Variants in ABCA1 observed in about 807,000 individuals in gnomAD.
The protein encoded by ABCA1 is ATP binding cassette subfamily A member 1.
In ABCA1, 133 loss-of-function variants were observed where a neutral mutation model predicts 262.5. The observed-to-expected ratio is 0.51, with a 90% CI of 0.44 to 0.59. ABCA1 has a LOEUF of 0.59. ABCA1 is among the 20% of genes least tolerant of loss of function. The probability of loss-of-function intolerance (pLI) is 0.00; values close to 1 mark genes in which losing one functional copy is unlikely to be tolerated. For synonymous variants in ABCA1, 1,022 were observed against 1,043.5 expected (o/e 0.98, Z 0.40); for missense variants, 2,452 against 2,777.5 (o/e 0.88, Z 2.63).
At position 104,825,904 on chromosome 9, in the gene ABCA1, A is replaced by G. The variant is rs182899836; in HGVS notation, c.2338-17T>C. The G allele has an allele frequency of 3.2e-3, 5,215 of 1,612,980 alleles. 35 individuals are homozygous for G. The highest frequency in any genetic ancestry group is 0.015 in the South Asian group (1,353 of 91,022). ...CAGCAGGCTCTGTGAGAAACAGGCA[A>G]AGTCACCTATCCATTTCCTGGTCAG... On this transcript the variant is annotated splice_polypyrimidine_tract_variant and intron_variant, in intron 16 of 49. Transcript: ENST00000374736.
chr9:104,819,442 T>C, intron 22 of ABCA1, 144 bp downstream of exon 22: 1 of 1,175,550 alleles, frequency 8.5e-7, no homozygotes, highest in South Asian at 1.3e-5. Flanking sequence ...GGAATCTCAG[T>C]CTCAATGCCC....
intron 44 of ABCA1, 101 bp from the exon 45 acceptor site, chr9:104,788,668 A>C: frequency 1.4e-6 from 2 of 1,384,946 alleles, no homozygotes; most frequent in Non-Finnish European, 2.0e-6. Context: ...CTCCATTACA[A>C]AGATACCAAT....
intron 5 of ABCA1, among the ~76,000 whole-genome samples, chr9:104,865,002 G>A (rs554347405): frequency 1.3e-5 from 2 of 152,194 alleles, no homozygotes; most frequent in African/African-American, 2.4e-5. Flanking sequence ...TGGTAGGTTC[G>A]CTGGGTTGGG....
intron 2 of ABCA1, among the ~76,000 whole-genome samples, chr9:104,898,744 GTC>G (rs1840427330): frequency 6.6e-6 from 1 of 151,980 alleles, no homozygotes; most frequent in African/African-American, 2.4e-5. Flanking sequence ...GGCACCCCCA[GTC>G]TCTCTGCCTG....
chr9:104,803,609 C>CTT (rs111718731), intron 32 of ABCA1, among the ~76,000 whole-genome samples: 8 of 149,848 alleles, frequency 5.3e-5, no homozygotes, highest in African/African-American at 2.0e-4. Context: ...CTTTTTCTTT[C>CTT]TTTTTTTTTT....
At chr9:104,858,765 G>T (rs1836072184) in intron 6 of ABCA1, 67 bp from the exon 7 acceptor site, 5 of 1,545,618 alleles carry the variant, frequency 3.2e-6, no homozygotes, top group South Asian at 1.1e-5. Context: ...CTGGGTCCTT[G>T]AAGTCTTTTG....
Position 104,783,062 on chromosome 9 carries a change from C to G in ABCA1, c.*1253G>C, listed in dbSNP as rs561383240. 1.4e-4 allele frequency: 22 copies of G among 152,636 alleles called. No homozygotes were observed. The highest frequency in any genetic ancestry group is 1.2e-3 in the Admixed American group (19 of 15,284). The allele number at this position is 152,636 out of a possible 1,614,324, so 9.5% of individuals were successfully genotyped here. A position where few individuals can be genotyped will look rare whatever the true frequency, so the allele number is the denominator to read the frequency against. On this transcript the variant is annotated 3_prime_UTR_variant, in exon 50 of 50. Coordinates refer to ENST00000374736, the MANE Select transcript of ABCA1 (RefSeq NM_005502.4). The stretch of plus-strand genomic sequence containing the variant: ...TTGATGAAGTGAGATTAAGAGTATC[C>G]TAAATGATCTGAAAGAAACTCAAAT...
chr9:104,859,696 A>G (rs2482421), intron 6 of ABCA1, among the ~76,000 whole-genome samples: 58,456 of 152,034 alleles, frequency 0.38, 13,075 homozygotes, highest in African/African-American at 0.63. Flanking sequence ...AGTTCTACTC[A>G]TTTCTTTAAC....
At position 104,901,480 on chromosome 9, in the gene ABCA1, C is replaced by T. The variant is rs73506105; in HGVS notation, c.66+2134G>A. Among the ~76,000 whole-genome samples the T allele has an allele frequency of 2.6e-3, 394 of 152,216 alleles. 2 individuals are homozygous for T. Among genetic ancestry groups the T allele is most frequent in the African/African-American group, 9.0e-3 (373 of 41,530 alleles). ...GACACACAACATGGATAAACCATGG[C>T]GGAGACAATTTCCCAGCAAGTGGGC... On this transcript the variant is annotated intron_variant, in intron 2 of 49. Coordinates refer to ENST00000374736, the MANE Select transcript of ABCA1 (RefSeq NM_005502.4).
In ABCA1 at chr9:104,814,210, C is replaced by T. The variant is rs778651217; in HGVS notation, c.3809G>A (p.Arg1270Gln). The change falls in exon 27 of 50, where the codon CGA (arginine) becomes CAA (glutamine). Residue 1270 changes from arginine to glutamine, a missense_variant. Arg to Gln is a conservative substitution (Grantham distance 43). Around this residue, in one of 4 missense-constraint regions of ABCA1, gnomAD observed 665 missense variants for 727.3 expected, o/e 0.91. Coordinates refer to ENST00000374736, the MANE Select transcript of ABCA1 (RefSeq NM_005502.4). ...CTTGTCCCCGAAGGCCCGCCTGTTTCGTCTTGCTGGCAAGGTACCATCTGA... is the reference window on the plus strand; with the variant it reads ...CTTGTCCCCGAAGGCCCGCCTGTTTTGTCTTGCTGGCAAGGTACCATCTGA... ...ETSDGTLPAR[R>Q]NRRAFGDKQS... 18 of 1,614,114 alleles carry T rather than the reference C, an allele frequency of 1.1e-5. No homozygotes were observed. The highest frequency in any genetic ancestry group is 7.7e-5 in the South Asian group (7 of 91,090).
At chr9:104,885,426 T>C (rs764143854) in intron 3 of ABCA1, among the ~76,000 whole-genome samples, 1 of 152,004 alleles carries the variant, frequency 6.6e-6, no homozygotes, top group African/African-American at 2.4e-5. Flanking sequence ...TGCCAAACAT[T>C]TGTCAGTTTC....
At chr9:104,863,390 C>A (rs1173191595) in intron 5 of ABCA1, among the ~76,000 whole-genome samples, 1 of 152,174 alleles carries the variant, frequency 6.6e-6, no homozygotes, top group African/African-American at 2.4e-5. Flanking sequence ...TGAACTGAGC[C>A]CACATGGCCA....
chr9:104,875,917 T>C (rs1838125471), intron 5 of ABCA1, among the ~76,000 whole-genome samples: 1 of 152,238 alleles, frequency 6.6e-6, no homozygotes, highest in Non-Finnish European at 1.5e-5. Flanking sequence ...CTACCCGTTC[T>C]AGGCATATTC....
At chr9:104,883,590 C>A (rs1838882826) in intron 4 of ABCA1, among the ~76,000 whole-genome samples, 1 of 152,182 alleles carries the variant, frequency 6.6e-6, no homozygotes, top group Non-Finnish European at 1.5e-5. Flanking sequence ...TATGAATAAT[C>A]ATGAATCTGG....
chr9:104,858,194 GA>G (rs1836014535), intron 7 of ABCA1, among the ~76,000 whole-genome samples: 1 of 151,154 alleles, frequency 6.6e-6, no homozygotes, highest in Non-Finnish European at 1.5e-5. Context: ...TTTTAAATAT[GA>G]AGAACTCTGT....
intron 1 of ABCA1, among the ~76,000 whole-genome samples, chr9:104,917,951 T>C (rs1219388870): frequency 6.6e-6 from 1 of 152,230 alleles, no homozygotes; most frequent in Admixed American, 6.5e-5. Context: ...CTTTCATTTA[T>C]GATAACTCAT....
chr9:104,862,699 C>CAGGGCAGGGCAG (rs1836713677), intron 5 of ABCA1, among the ~76,000 whole-genome samples: 2 of 8,458 alleles, frequency 2.4e-4, no homozygotes, highest in African/African-American at 1.4e-3. Context: ...CGGGCCGGGC[C>CAGGGCAGGGCAG]GGCCCCCACC....
At chr9:104,885,122 G>A (rs1335403202) in intron 3 of ABCA1, among the ~76,000 whole-genome samples, 1 of 152,194 alleles carries the variant, frequency 6.6e-6, no homozygotes, top group African/African-American at 2.4e-5. Flanking sequence ...TGTAATCCCA[G>A]GTACTCTGGA....
At chr9:104,915,464 A>G (rs547476124) in intron 1 of ABCA1, among the ~76,000 whole-genome samples, 2 of 152,378 alleles carry the variant, frequency 1.3e-5, no homozygotes, top group South Asian at 4.1e-4. Flanking sequence ...AAGGGGAATA[A>G]GATCACAAGT....
Sources: gnomAD v4.1 joint callset for allele counts (sites outside exome capture counted in the v4.1 genomes callset) on GRCh38, gnomAD v4.1.1 for gene constraint, gnomAD v4.1.1 regional missense constraint, MANE v1.5 for transcripts, NCBI Gene and HGNC (gene_info 2026-07-23, HGNC 2026-07-21) for gene names.